CALN1: variants seen among roughly 807,000 people sequenced by gnomAD.
The protein encoded by CALN1 is calcium-binding protein 8.
Under a neutral mutation model 30.6 loss-of-function variants are expected in CALN1, and 17 were observed. The observed-to-expected ratio is 0.56, with a 90% CI of 0.38 to 0.83. The LOEUF is 0.83. Ranked by LOEUF, CALN1 falls within the 40% of genes least tolerant of loss-of-function variation. The pLI is 0.00. For synonymous variants in CALN1, 156 were observed against 131.4 expected, an observed-to-expected ratio of 1.19 and a Z score of -1.28; for missense variants, 291 against 354.9, an observed-to-expected ratio of 0.82 and a Z score of 1.45.
intron 1 of CALN1, among the ~76,000 whole-genome samples, chr7:72,423,027 G>A (rs1400141712): frequency 1.3e-5 from 2 of 151,174 alleles, no homozygotes; most frequent in African/African-American, 2.4e-5. Context: ...CATGAGAATC[G>A]CTTGAACCCG....
At chr7:71,992,285 G>T (rs1798995226) in intron 5 of CALN1, among the ~76,000 whole-genome samples, 2 of 152,206 alleles carry the variant, frequency 1.3e-5, no homozygotes, top group Non-Finnish European at 2.9e-5. Flanking sequence ...AACTAGCCTT[G>T]TATAAGAAAA....
intron 3 of CALN1, among the ~76,000 whole-genome samples, chr7:72,171,761 T>A (rs1451185713): frequency 6.6e-6 from 1 of 152,182 alleles, no homozygotes; most frequent in Non-Finnish European, 1.5e-5. Context: ...TACGTATTAT[T>A]ATATTTATTT....
chr7:72,010,642 T>C (rs952702276), intron 5 of CALN1, among the ~76,000 whole-genome samples: 2 of 151,582 alleles, frequency 1.3e-5, no homozygotes, highest in Non-Finnish European at 1.5e-5. Context: ...TGAAACTCCA[T>C]CTCTACTAAA....
At chr7:72,116,441 G>T (rs1369218714) in intron 3 of CALN1, among the ~76,000 whole-genome samples, 1 of 152,176 alleles carries the variant, frequency 6.6e-6, no homozygotes, top group African/African-American at 2.4e-5. Context: ...AATCTCTGAG[G>T]AAGTATACAG....
intron 3 of CALN1, among the ~76,000 whole-genome samples, chr7:72,171,055 G>A (rs1205806311): frequency 1.3e-5 from 2 of 152,148 alleles, no homozygotes; most frequent in South Asian, 2.1e-4. Context: ...CACTCGGGGG[G>A]CTGAGGTGGG....
intron 2 of CALN1, among the ~76,000 whole-genome samples, chr7:72,376,397 CTGT>C (rs755868189): frequency 1.9e-4 from 29 of 152,258 alleles, no homozygotes; most frequent in Admixed American, 9.2e-4. Flanking sequence ...AAACTTGTTG[CTGT>C]TGTTATCACC....
chr7:72,099,569 C>T (rs1189900867), intron 4 of CALN1, among the ~76,000 whole-genome samples: 2 of 151,854 alleles, frequency 1.3e-5, no homozygotes, highest in African/African-American at 4.8e-5. Flanking sequence ...TACTCATTGG[C>T]AACGTGAAAT....
intron 2 of CALN1, among the ~76,000 whole-genome samples, chr7:72,290,079 TAAAAAAAAAAAAAAAAAAAAAA>T (rs60416266): frequency 0.024 from 770 of 32,090 alleles, 17 homozygotes; most frequent in African/African-American, 0.077. Flanking sequence ...GACCCTGTCT[TAAAAAAAAAAAAAAAAAAAAAA>T]AAAAAAAAAA....
intron 2 of CALN1, among the ~76,000 whole-genome samples, chr7:72,347,714 A>G (rs1180513010): frequency 6.6e-6 from 1 of 152,236 alleles, no homozygotes; most frequent in Non-Finnish European, 1.5e-5. Flanking sequence ...TGGTGCACTA[A>G]AAGAAAATAG....
intron 5 of CALN1, among the ~76,000 whole-genome samples, chr7:71,988,560 G>A (rs1434359051): frequency 6.6e-6 from 1 of 152,140 alleles, no homozygotes; most frequent in African/African-American, 2.4e-5. Context: ...ATATAGGCCT[G>A]TGGTCATCTT....
At chr7:71,798,905 T>G (rs1266506224) in intron 6 of CALN1, among the ~76,000 whole-genome samples, 1 of 152,176 alleles carries the variant, frequency 6.6e-6, no homozygotes, top group Non-Finnish European at 1.5e-5. Flanking sequence ...ATTACAGGCA[T>G]GAGCCACCAC....
intron 5 of CALN1, among the ~76,000 whole-genome samples, chr7:71,882,279 TTCTC>T (rs1792618585): frequency 6.6e-6 from 1 of 152,214 alleles, no homozygotes; most frequent in African/African-American, 2.4e-5. Context: ...TTCTCACGTC[TTCTC>T]TCTATCTACC....
chr7:71,946,774 G>A (rs929113348), intron 5 of CALN1, among the ~76,000 whole-genome samples: 1 of 152,082 alleles, frequency 6.6e-6, no homozygotes, highest in South Asian at 2.1e-4. Flanking sequence ...GCATTGGATG[G>A]TACCTGACAC....
intron 5 of CALN1, among the ~76,000 whole-genome samples, chr7:71,884,803 C>A (rs1369291348): frequency 2.0e-5 from 3 of 152,170 alleles, no homozygotes; most frequent in Non-Finnish European, 2.9e-5. Flanking sequence ...TGAAATGGTC[C>A]TGCAAAGTTG....
intron 2 of CALN1, among the ~76,000 whole-genome samples, chr7:72,362,409 C>A (rs1448621605): frequency 6.6e-6 from 1 of 152,158 alleles, no homozygotes; most frequent in Admixed American, 6.5e-5. Context: ...CTCTAAGTCT[C>A]CATCCTCTCT....
chr7:71,964,332 A>G (rs1797421586), intron 5 of CALN1, among the ~76,000 whole-genome samples: 1 of 152,128 alleles, frequency 6.6e-6, no homozygotes, highest in South Asian at 2.1e-4. Context: ...GAGTGTTTAC[A>G]GCTCCTGAAG....
chr7:72,418,546 G>T (rs1380987913), intron 1 of CALN1, among the ~76,000 whole-genome samples: 1 of 152,168 alleles, frequency 6.6e-6, no homozygotes, highest in Non-Finnish European at 1.5e-5. Flanking sequence ...GTAGTCCCCA[G>T]ATTTACCACA....
rs1584205313 is a variant in CALN1, at chr7:71,787,250, T to A, written c.*525A>T. ...GCTTTCCCCTCATGCCTTGGGGGGG[T>A]CTCCACTGGGTGGAGGAAGGAAGCC... On this transcript the variant is annotated 3_prime_UTR_variant, in exon 7 of 7. Transcript: ENST00000395275. 6.5e-6 allele frequency: 1 copy of A among 154,038 alleles called. No homozygotes were observed. Among genetic ancestry groups the A allele is most frequent in the South Asian group, 2.0e-4 (1 of 4,946 alleles). 9.5% of individuals were successfully genotyped at this position (154,038 alleles called of 1,614,324 possible). A position where few individuals can be genotyped will look rare whatever the true frequency, so the allele number is the denominator to read the frequency against.
intron 3 of CALN1, among the ~76,000 whole-genome samples, chr7:72,225,970 C>T (rs902162936): frequency 7.9e-5 from 12 of 151,886 alleles, no homozygotes; most frequent in Non-Finnish European, 8.8e-5. Flanking sequence ...GTGGCACACA[C>T]CTGTAGTCCC....
Sources: allele counts gnomAD v4.1 joint callset (sites outside exome capture counted in the v4.1 genomes callset), GRCh38; gene constraint gnomAD v4.1.1; transcripts MANE v1.5; gene names NCBI Gene and HGNC (gene_info 2026-07-23, HGNC 2026-07-21).